Variants in NFATC1 observed in about 807,000 individuals in gnomAD.
The protein encoded by NFATC1 is nuclear factor of activated T cells 1.
Under a neutral mutation model 76.0 loss-of-function variants are expected in NFATC1, and 22 were observed. The observed-to-expected ratio is 0.29, with a 90% confidence interval of 0.21 to 0.41. The LOEUF (loss-of-function observed/expected upper bound fraction) is 0.41. Ranked by LOEUF, NFATC1 falls within the 10% of genes least tolerant of loss-of-function variation. NFATC1 has a pLI of 1.00. For missense variants in NFATC1, 1,357 were observed against 1,337.7 expected, an observed-to-expected ratio of 1.01 and a Z score of -0.23; for synonymous variants, 704 against 613.1, an observed-to-expected ratio of 1.15 and a Z score of -2.19.
intron 9 of NFATC1, among the ~76,000 whole-genome samples, chr18:79,518,333 GA>G (rs1203411774): frequency 6.6e-6 from 1 of 152,236 alleles, no homozygotes; most frequent in African/African-American, 2.4e-5. Context: ...ATGTCCCCAT[GA>G]ACCCCAGAAA....
Position 79,527,530 on chromosome 18 carries a change from A to C in NFATC1, c.2785A>C (p.Asn929His), listed in dbSNP as rs1377428178. The C allele has an allele frequency of 3.1e-6, 5 of 1,613,540 alleles. No individual in the cohort carries two copies. The highest frequency in any genetic ancestry group is 1.7e-6 in the Non-Finnish European group (2 of 1,179,724). ...TCTCAATTTTTCTTTTCTTACAGTA[A>C]ATGAAATAATACGAAATGACCTCTC... ...ELDQLYLDDV[N>H]EIIRNDLSST... The change falls in exon 10 of 10, where the codon AAT becomes CAT. Residue 929 changes from asparagine to histidine, a missense_variant and splice_region_variant. Transcript: ENST00000427363.
rs200319058 is a variant in NFATC1, at chr18:79,396,303, T to G, written c.79T>G (p.Leu27Val). 2.1e-6 allele frequency: 3 copies of G among 1,433,550 alleles called. No individual in the cohort carries two copies. The highest frequency in any genetic ancestry group is 2.7e-5 in the South Asian group (2 of 73,392). 88.8% of individuals were successfully genotyped at this position (1,433,550 alleles called of 1,614,324 possible). The change falls in exon 1 of 10, where the codon TTG (leucine) becomes GTG (valine). Residue 27 changes from leucine to valine, a missense_variant. Coordinates refer to ENST00000427363, the MANE Select transcript of NFATC1 (RefSeq NM_001278669.2). ...AAAVFGRGET[L>V]GPAPRAGGTM... Reference sequence around the variant, plus strand: ...TGCGGTCTTCGGGAGAGGAGAAACTTTGGGGCCCGCGCCGCGCGCCGGCGG... The same window carrying G: ...TGCGGTCTTCGGGAGAGGAGAAACTGTGGGGCCCGCGCCGCGCGCCGGCGG...
intron 2 of NFATC1, among the ~76,000 whole-genome samples, chr18:79,426,213 A>C (rs1260675814): frequency 6.6e-6 from 1 of 150,994 alleles, no homozygotes; most frequent in African/African-American, 2.5e-5. Context: ...TGAGAATCAG[A>C]CAGTGATCAT....
intron 9 of NFATC1, among the ~76,000 whole-genome samples, chr18:79,508,535 C>T (rs183954391): frequency 2.8e-4 from 43 of 152,268 alleles, no homozygotes; most frequent in African/African-American, 9.9e-4. Context: ...GACTGCCCCT[C>T]AAAAATGTGC....
intron 9 of NFATC1, among the ~76,000 whole-genome samples, chr18:79,522,159 GT>G (rs145338360): frequency 0.23 from 8,884 of 38,878 alleles, 1,601 homozygotes; most frequent in Non-Finnish European, 0.27. Flanking sequence ...GTCTGTGTGT[GT>G]GTGGGGGGGT....
chr18:79,469,451 C>T (rs2088683707), intron 8 of NFATC1: 2 of 985,404 alleles, frequency 2.0e-6, no homozygotes, highest in Non-Finnish European at 2.4e-6. Flanking sequence ...CCCCCAGGAC[C>T]GTGGCCACAG....
intron 4 of NFATC1, among the ~76,000 whole-genome samples, chr18:79,449,698 G>A (rs951607495): frequency 2.0e-5 from 3 of 152,200 alleles, no homozygotes; most frequent in East Asian, 1.9e-4. Flanking sequence ...GGCGTCCTGC[G>A]AGGGTGACCC....
In NFATC1 at chr18:79,448,846, G is replaced by A. The variant is rs778343943; in HGVS notation, c.1451G>A (p.Arg484His). The change falls in exon 4 of 10, where the codon CGC (arginine) becomes CAC (histidine). Residue 484 changes from arginine to histidine, a missense_variant. By Grantham distance (29) the Arg-to-His change is conservative. Transcript: ENST00000427363. Reference sequence around the variant, plus strand: ...CTTTTCATTGGGACGGCGGACGACCGCCTGCTGCGCCCGCACGCCTTCTAC... The same window carrying A: ...CTTTTCATTGGGACGGCGGACGACCACCTGCTGCGCCCGCACGCCTTCTAC... ...LQLFIGTADD[R>H]LLRPHAFYQV... The A allele has an allele frequency of 5.6e-6, 9 of 1,613,804 alleles. No individual in the cohort carries two copies. The highest frequency in any genetic ancestry group is 2.2e-5 in the East Asian group (1 of 44,882).
At position 79,461,347 on chromosome 18, in the gene NFATC1, A is replaced by T; in HGVS notation, c.1940A>T (p.Asp647Val). The change falls in exon 7 of 10, where the codon GAC becomes GTC. Residue 647 changes from aspartate to valine, a missense_variant. This residue lies in a region of NFATC1 where 242 missense variants were observed against 329.2 expected (regional missense o/e 0.74). Coordinates refer to ENST00000427363, the MANE Select transcript of NFATC1 (RefSeq NM_001278669.2). The stretch of plus-strand genomic sequence containing the variant: ...GTCTGGGAGATGGAAGCGAAAACTG[A>T]CCGGGACCTGTGCAAGCCGGTGAGT... Reference protein sequence around the residue: ...HHVWEMEAKTDRDLCKPNSLV... With the variant: ...HHVWEMEAKTVRDLCKPNSLV... 1 of 1,485,698 alleles carries T rather than the reference A, an allele frequency of 6.7e-7. No individual in the cohort carries two copies. The allele number at this position is 1,485,698 out of a possible 1,614,324, so 92.0% of individuals were successfully genotyped here. A position where few individuals can be genotyped will look rare whatever the true frequency, so the allele number is the denominator to read the frequency against.
intron 9 of NFATC1, among the ~76,000 whole-genome samples, chr18:79,504,825 G>A (rs56406959): frequency 6.6e-6 from 1 of 151,270 alleles, no homozygotes; most frequent in African/African-American, 2.4e-5. Context: ...GCAGGAGACT[G>A]CTGTGTGGGA....
chr18:79,429,410 T>A (rs778247372), intron 2 of NFATC1, among the ~76,000 whole-genome samples: 2 of 152,058 alleles, frequency 1.3e-5, no homozygotes, highest in African/African-American at 2.4e-5. Context: ...GTCACTTTTT[T>A]AAAAAATTGA....
chr18:79,448,455 C>T, intron 3 of NFATC1: 1 of 376,296 alleles, frequency 2.7e-6, no homozygotes, highest in South Asian at 3.2e-5. Context: ...GCGAGCCTTG[C>T]ACATGGCTCA....
chr18:79,400,542 C>A (rs997558325), intron 1 of NFATC1: 3 of 1,280,160 alleles, frequency 2.3e-6, no homozygotes, highest in Non-Finnish European at 3.0e-6. Context: ...GGCGCCCAGG[C>A]CCCCTCCGCG....
In NFATC1 at chr18:79,399,668, G is replaced by A. The variant is rs866693098; in HGVS notation, c.127+3317G>A. On this transcript the variant is annotated intron_variant, in intron 1 of 9. Transcript: ENST00000427363. The stretch of plus-strand genomic sequence containing the variant: ...GTCATCTTTGGAGGTGCCCCTAGAA[G>A]GACCGGCGGGTTTCCCGCGGGGCGG... Among the ~76,000 whole-genome samples, 3 of 152,188 alleles carry A rather than the reference G, an allele frequency of 2.0e-5. 1 individual carries two copies. Among genetic ancestry groups the A allele is most frequent in the Middle Eastern group, 3.2e-3 (1 of 316 alleles).
Position 79,411,517 on chromosome 18 carries a change from G to C in NFATC1, c.1226+16G>C. On this transcript the variant is annotated intron_variant, in intron 2 of 9. Coordinates refer to ENST00000427363, the MANE Select transcript of NFATC1 (RefSeq NM_001278669.2). ...CCTACATGAGGTGAGCCGGCAGCGCGGGGCGGGACGGGGAGGCGAGGGGAG... is the reference window on the plus strand; with the variant it reads ...CCTACATGAGGTGAGCCGGCAGCGCCGGGCGGGACGGGGAGGCGAGGGGAG... 9 of 1,441,852 alleles carry C rather than the reference G, an allele frequency of 6.2e-6. No individual in the cohort carries two copies. Among genetic ancestry groups the C allele is most frequent in the Admixed American group, 2.8e-5 (1 of 35,936 alleles). The allele number at this position is 1,441,852 out of a possible 1,614,324, so 89.3% of individuals were successfully genotyped here.
At position 79,410,733 on chromosome 18, in the gene NFATC1, C is replaced by T; in HGVS notation, c.458C>T (p.Ser153Phe). 6.2e-7 allele frequency: 1 copy of T among 1,613,056 alleles called. No individual in the cohort carries two copies. Among genetic ancestry groups the T allele is most frequent in the Non-Finnish European group, 8.5e-7 (1 of 1,180,014 alleles). Residue 153 changes from serine (S) to phenylalanine (F), a missense_variant, in exon 2 of 10, where the codon TCC (serine) becomes TTC (phenylalanine). Transcript: ENST00000427363. This position sits in a 1 kb window ranked among gnomAD's most constrained non-coding sequence, Gnocchi z 6.7. ...DVLPSSKRSP[S>F]TATLSLPSLE... Reference sequence around the variant, plus strand: ...CTCCCTAGCTCCAAACGGTCCCCCTCCACGGCCACGCTGAGTCTGCCCAGC... The same window carrying T: ...CTCCCTAGCTCCAAACGGTCCCCCTTCACGGCCACGCTGAGTCTGCCCAGC...
chr18:79,441,466 G>C (rs1051146900), intron 3 of NFATC1, among the ~76,000 whole-genome samples: 21 of 152,154 alleles, frequency 1.4e-4, no homozygotes, highest in Non-Finnish European at 2.8e-4. Flanking sequence ...GAGGGCTTGT[G>C]GGGGAGGCAG....
chr18:79,472,152 G>T (rs367703621), intron 8 of NFATC1, among the ~76,000 whole-genome samples: 5 of 152,080 alleles, frequency 3.3e-5, no homozygotes, highest in South Asian at 2.1e-4. Context: ...TGTGAGCCGT[G>T]GGGGGGCGGG....
intron 2 of NFATC1, among the ~76,000 whole-genome samples, chr18:79,413,241 G>C (rs934941948): frequency 6.6e-6 from 1 of 152,320 alleles, no homozygotes; most frequent in Admixed American, 6.5e-5. Context: ...GAGGAGTGTC[G>C]TAATGCAGTT....
Sources: allele counts gnomAD v4.1 joint callset (sites outside exome capture counted in the v4.1 genomes callset), GRCh38; gene constraint gnomAD v4.1.1; regional missense constraint gnomAD v4.1.1; non-coding constraint Gnocchi (gnomAD v3.1); transcripts MANE v1.5; gene names NCBI Gene and HGNC (gene_info 2026-07-23, HGNC 2026-07-21).